The following THUMPD3 variants were observed in gnomAD, a reference collection of about 807,000 sequenced individuals.
THUMPD3 encodes tRNA (guanine(6)-N(2))-methyltransferase THUMP3.
Under a neutral mutation model 54.5 loss-of-function variants are expected in THUMPD3, and 44 were observed. That is an observed-to-expected ratio of 0.81 (90% CI 0.63 to 1.04). THUMPD3 has a LOEUF of 1.04. Among genes scored for constraint, THUMPD3 ranks in the 50% least tolerant of loss-of-function variants. The probability of loss-of-function intolerance (pLI) is 0.00; values close to 1 mark genes in which losing one functional copy is unlikely to be tolerated. For synonymous variants in THUMPD3, 196 were observed against 201.4 expected, an observed-to-expected ratio of 0.97 and a Z score of 0.23; for missense variants, 604 against 601.3, an observed-to-expected ratio of 1.00 and a Z score of -0.05.
chr3:9,370,617 G>T (rs145299524), intron 3 of THUMPD3, among the ~76,000 whole-genome samples: 100 of 152,164 alleles, frequency 6.6e-4, no homozygotes, highest in Admixed American at 1.8e-3. Flanking sequence ...GTTAATTTTT[G>T]TATTTTTTTG....
At chr3:9,380,430 C>G (rs1575078438) in intron 6 of THUMPD3, 73 bp from the exon 7 acceptor site, 1 of 1,039,182 alleles carries the variant, frequency 9.6e-7, no homozygotes, top group Non-Finnish European at 1.5e-6. Context: ...ACTGGATTTT[C>G]TTTGTTTGTT....
chr3:9,364,439 C>G (rs764545862), intron 1 of THUMPD3, among the ~76,000 whole-genome samples: 1 of 151,938 alleles, frequency 6.6e-6, no homozygotes, highest in Non-Finnish European at 1.5e-5. Flanking sequence ...CTCCACCTCC[C>G]GGATTCAAGC....
In THUMPD3 at chr3:9,384,599, G is replaced by A; in HGVS notation, c.1435G>A (p.Val479Ile). The A allele has an allele frequency of 1.2e-6, 2 of 1,614,178 alleles. No individual in the cohort carries two copies. Among genetic ancestry groups the A allele is most frequent in the Middle Eastern group, 1.7e-4 (1 of 6,058 alleles). The change falls in exon 10 of 10, where the codon GTT becomes ATT. Residue 479 changes from valine (V) to isoleucine (I), a missense_variant. By Grantham distance (29) the Val-to-Ile change is conservative (BLOSUM62 3). Coordinates refer to ENST00000452837, the MANE Select transcript of THUMPD3 (RefSeq NM_001114092.2). Reference protein sequence around the residue: ...WVNVGGLRAAVYVLIRTPQAF... With the variant: ...WVNVGGLRAAIYVLIRTPQAF... ...GAACGTTGGTGGTCTTCGTGCTGCA[G>A]TTTACGTTCTGATACGTACACCTCA...
intron 1 of THUMPD3, among the ~76,000 whole-genome samples, chr3:9,364,672 G>A (rs1444307980): frequency 1.3e-5 from 2 of 152,210 alleles, no homozygotes; most frequent in African/African-American, 4.8e-5. Context: ...AACTAACCAT[G>A]TTCTTAACAT....
At chr3:9,369,913 C>G (rs2031896728) in intron 3 of THUMPD3, among the ~76,000 whole-genome samples, 1 of 151,974 alleles carries the variant, frequency 6.6e-6, no homozygotes, top group Non-Finnish European at 1.5e-5. Context: ...CCTGTGTTTT[C>G]TAATAGTTTG....
intron 3 of THUMPD3, among the ~76,000 whole-genome samples, 180 bp downstream of exon 3, chr3:9,367,165 A>G (rs1175123610): frequency 1.3e-5 from 2 of 152,224 alleles, no homozygotes; most frequent in African/African-American, 4.8e-5. Flanking sequence ...ATGTTTTTTG[A>G]AAATTAGTAT....
At chr3:9,376,832 G>T (rs887514516) in intron 5 of THUMPD3, among the ~76,000 whole-genome samples, 10 of 152,090 alleles carry the variant, frequency 6.6e-5, no homozygotes, top group East Asian at 1.9e-4. Context: ...TACTAGTTTT[G>T]TGTCCCTGGG....
At position 9,384,557 on chromosome 3, in the gene THUMPD3, G is replaced by C; in HGVS notation, c.1393G>C (p.Val465Leu). 1 of 1,614,216 alleles carries C rather than the reference G, an allele frequency of 6.2e-7. No individual in the cohort carries two copies. The highest frequency in any genetic ancestry group is 8.5e-7 in the Non-Finnish European group (1 of 1,180,038). ...TGGAATGCGACACGTATGGCGAAAG[G>C]TGGATACAGTCTGGGTGAACGTTGG... ...LSGMRHVWRK[V>L]DTVWVNVGGL... The change falls in exon 10 of 10, where the codon GTG (valine) becomes CTG (leucine). Residue 465 changes from valine (V) to leucine (L), a missense_variant. Coordinates refer to ENST00000452837, the MANE Select transcript of THUMPD3 (RefSeq NM_001114092.2).
chr3:9,384,175 T>C (rs2033150711), intron 8 of THUMPD3, 37 bp from the exon 9 acceptor site: 1 of 1,603,874 alleles, frequency 6.2e-7, no homozygotes, highest in African/African-American at 1.3e-5. Flanking sequence ...TTTTGTATCT[T>C]TTGCAAGTGT....
intron 2 of THUMPD3, among the ~76,000 whole-genome samples, chr3:9,365,897 T>A (rs571234186): frequency 4.6e-5 from 7 of 152,278 alleles, no homozygotes; most frequent in African/African-American, 1.7e-4. Context: ...GCCTGCCAGT[T>A]GAGCATTTCT....
At chr3:9,368,213 AT>A (rs1301787192) in intron 3 of THUMPD3, among the ~76,000 whole-genome samples, 1 of 151,992 alleles carries the variant, frequency 6.6e-6, no homozygotes, top group African/African-American at 2.4e-5. Flanking sequence ...CTTTTAAAAA[AT>A]ATTGAGATGG....
chr3:9,385,346 A>C lies in THUMPD3; in HGVS notation c.*658A>C, dbSNP rs1328408704. The C allele has an allele frequency of 6.6e-6, 1 of 152,264 alleles. No individual in the cohort carries two copies. The highest frequency in any genetic ancestry group is 2.4e-5 in the African/African-American group (1 of 41,458). 9.4% of individuals were successfully genotyped at this position (152,264 alleles called of 1,614,324 possible). ...TGCAAAACTACCCTGGCCCAAAGGA[A>C]GGGCAGAGAACATAATTACATCTTA... On this transcript the variant is annotated 3_prime_UTR_variant, in exon 10 of 10. Coordinates refer to ENST00000452837, the MANE Select transcript of THUMPD3 (RefSeq NM_001114092.2).
intron 1 of THUMPD3, 54 bp from the exon 2 acceptor site, chr3:9,364,962 A>G: frequency 1.4e-6 from 2 of 1,441,262 alleles, no homozygotes; most frequent in Non-Finnish European, 9.4e-7. Flanking sequence ...GTTTTTAATT[A>G]TAACTGAAAT....
chr3:9,383,973 T>TA (rs1277269856), intron 8 of THUMPD3, among the ~76,000 whole-genome samples: 1 of 152,232 alleles, frequency 6.6e-6, no homozygotes, highest in African/African-American at 2.4e-5. Context: ...GACTGCTTAT[T>TA]ATACTAAGAG....
intron 5 of THUMPD3, among the ~76,000 whole-genome samples, chr3:9,375,147 G>A (rs1008839398): frequency 9.9e-5 from 15 of 152,124 alleles, no homozygotes; most frequent in Admixed American, 3.3e-4. Context: ...GTAAGCCACC[G>A]CGCCCGGTTT....
chr3:9,384,930 G>T lies in THUMPD3; in HGVS notation c.*242G>T. 1 of 419,482 alleles carries T rather than the reference G, an allele frequency of 2.4e-6. No homozygotes were observed. The highest frequency in any genetic ancestry group is 3.9e-5 in the Admixed American group (1 of 25,932). The allele number at this position is 419,482 out of a possible 1,614,324, so 26.0% of individuals were successfully genotyped here. ...GGAAGCCGAAGTGTGCAGATCACCT[G>T]AGGTCCGGAGACCAGCCTGGCCAAC... On this transcript the variant is annotated 3_prime_UTR_variant, in exon 10 of 10. Coordinates refer to ENST00000452837, the MANE Select transcript of THUMPD3 (RefSeq NM_001114092.2).
chr3:9,363,806 C>CTTTTTTT (rs56359034), intron 1 of THUMPD3: 6 of 88,878 alleles, frequency 6.8e-5, no homozygotes, highest in African/African-American at 8.7e-5. Context: ...TTAATTTTTT[C>CTTTTTTT]TTTTTTTTTT....
chr3:9,375,444 TTC>T (rs758851575), intron 5 of THUMPD3, among the ~76,000 whole-genome samples: 24 of 152,248 alleles, frequency 1.6e-4, no homozygotes, highest in Admixed American at 1.2e-3. Context: ...TCCTTTGCCC[TTC>T]TCTCTTTTAT....
At chr3:9,374,341 G>A (rs2032295134) in intron 4 of THUMPD3, among the ~76,000 whole-genome samples, 175 bp from the exon 5 acceptor site, 4 of 152,004 alleles carry the variant, frequency 2.6e-5, no homozygotes, top group South Asian at 2.1e-4. Flanking sequence ...GCTGTGGTGC[G>A]CTATGCCAAT....
Sources: allele counts gnomAD v4.1 joint callset (sites outside exome capture counted in the v4.1 genomes callset), GRCh38; gene constraint gnomAD v4.1.1; transcripts MANE v1.5; gene names NCBI Gene and HGNC (gene_info 2026-07-23, HGNC 2026-07-21).